The following CDH18 variants were observed in gnomAD, a reference collection of about 807,000 sequenced individuals.
The protein encoded by CDH18 is cadherin 18, also known as cadherin-18.
CDH18 carries 31 observed loss-of-function variants against 67.9 expected under a neutral mutation model. That is an observed-to-expected ratio of 0.46 (90% CI 0.34 to 0.62). The LOEUF (loss-of-function observed/expected upper bound fraction) is 0.62, where lower values mean the gene tolerates loss of function less well. CDH18 is among the 20% of genes least tolerant of loss of function. The pLI is 0.01. For missense variants in CDH18, 890 were observed against 975.5 expected, an observed-to-expected ratio of 0.91 and a Z score of 1.17; for synonymous variants, 362 against 347.2, an observed-to-expected ratio of 1.04 and a Z score of -0.48.
chr5:20,466,439 C>A (rs189364521), intron 1 of CDH18, among the ~76,000 whole-genome samples: 245 of 152,162 alleles, frequency 1.6e-3, no homozygotes, highest in South Asian at 4.3e-3. Flanking sequence ...CAGTTCTCTG[C>A]AGCTAAATAA....
intron 2 of CDH18, among the ~76,000 whole-genome samples, chr5:19,910,493 C>T (rs531069168): frequency 3.5e-4 from 54 of 152,234 alleles, no homozygotes; most frequent in African/African-American, 1.2e-3. Context: ...TATGTAAGTT[C>T]ACTTATAATG....
intron 1 of CDH18, among the ~76,000 whole-genome samples, chr5:20,263,119 T>C (rs368718656): frequency 5.3e-5 from 8 of 151,988 alleles, no homozygotes; most frequent in African/African-American, 1.9e-4. Flanking sequence ...CACAATTATG[T>C]ACCCTCGAGC....
At chr5:20,523,617 T>A (rs1347201744) in intron 1 of CDH18, among the ~76,000 whole-genome samples, 1 of 152,194 alleles carries the variant, frequency 6.6e-6, no homozygotes, top group Non-Finnish European at 1.5e-5. Flanking sequence ...CTCCAGTCAC[T>A]GTAACCTCCG....
At chr5:20,440,993 G>T (rs1166346847) in intron 1 of CDH18, among the ~76,000 whole-genome samples, 1 of 151,910 alleles carries the variant, frequency 6.6e-6, no homozygotes, top group Non-Finnish European at 1.5e-5. Context: ...ATTTCATTTT[G>T]CATGGAATGA....
At chr5:19,554,903 A>G (rs1184559225) in intron 8 of CDH18, among the ~76,000 whole-genome samples, 1 of 152,180 alleles carries the variant, frequency 6.6e-6, no homozygotes, top group Non-Finnish European at 1.5e-5. Context: ...AGGGGGAAAA[A>G]AAGCAACTTT....
intron 5 of CDH18, among the ~76,000 whole-genome samples, chr5:19,709,004 T>TTAAATAAA (rs1458426187): frequency 6.0e-4 from 90 of 149,182 alleles, no homozygotes; most frequent in African/African-American, 2.1e-3. Context: ...CTAGACTCTG[T>TTAAATAAA]TAAATAAATA....
chr5:19,691,364 C>A (rs2150423946), intron 5 of CDH18, among the ~76,000 whole-genome samples: 1 of 151,826 alleles, frequency 6.6e-6, no homozygotes, highest in African/African-American at 2.4e-5. Flanking sequence ...AACTCCTATT[C>A]AACATAGTAC....
At chr5:19,781,570 G>T (rs182655039) in intron 3 of CDH18, among the ~76,000 whole-genome samples, 124 of 152,068 alleles carry the variant, frequency 8.2e-4, no homozygotes, top group East Asian at 4.8e-3. Flanking sequence ...TCTTGTGGGG[G>T]TTTTTTTATT....
At chr5:19,715,216 G>A (rs558156179) in intron 5 of CDH18, among the ~76,000 whole-genome samples, 2 of 152,038 alleles carry the variant, frequency 1.3e-5, no homozygotes, top group African/African-American at 4.8e-5. Context: ...AATAAATTTG[G>A]GGAGGTAATA....
intron 2 of CDH18, among the ~76,000 whole-genome samples, chr5:20,077,135 T>A (rs1744014512): frequency 6.6e-6 from 1 of 152,268 alleles, no homozygotes; most frequent in South Asian, 2.1e-4. Context: ...CAGGACTTTA[T>A]GAAAGAGAAA....
At chr5:20,040,786 T>A (rs1273915404) in intron 2 of CDH18, among the ~76,000 whole-genome samples, 5 of 152,130 alleles carry the variant, frequency 3.3e-5, no homozygotes, top group Admixed American at 2.6e-4. Flanking sequence ...ACAACTGCTA[T>A]TCTGCCCTCC....
chr5:20,042,658 T>G (rs1348555319), intron 2 of CDH18, among the ~76,000 whole-genome samples: 1 of 152,192 alleles, frequency 6.6e-6, no homozygotes, highest in Non-Finnish European at 1.5e-5. Flanking sequence ...TCCACCAATT[T>G]GTCCTCTTTT....
At chr5:20,304,600 G>C (rs1736254847) in intron 1 of CDH18, 2 of 1,612,036 alleles carry the variant, frequency 1.2e-6, no homozygotes, top group Non-Finnish European at 8.5e-7. Context: ...AGAGCTTAAT[G>C]AGCCCAAAAC....
intron 2 of CDH18, among the ~76,000 whole-genome samples, chr5:19,872,668 A>C (rs7703707): frequency 0.81 from 123,381 of 152,182 alleles, 51,498 homozygotes; most frequent in Non-Finnish European, 0.91. Flanking sequence ...AACTTGATTG[A>C]AGCCTTGTGA....
At chr5:20,367,411 C>A (rs1280453720) in intron 1 of CDH18, among the ~76,000 whole-genome samples, 1 of 152,124 alleles carries the variant, frequency 6.6e-6, no homozygotes, top group Non-Finnish European at 1.5e-5. Context: ...AGATCACGTA[C>A]CTGTGCCAAA....
intron 3 of CDH18, 107 bp from the exon 4 acceptor site, chr5:19,747,343 C>G (rs1770163033): frequency 2.3e-6 from 2 of 880,870 alleles, no homozygotes; most frequent in Non-Finnish European, 3.4e-6. Context: ...ACTTTTCTTC[C>G]CTTTACAGTG....
At chr5:19,575,322 A>G (rs1742143249) in intron 7 of CDH18, among the ~76,000 whole-genome samples, 1 of 152,214 alleles carries the variant, frequency 6.6e-6, no homozygotes, top group African/African-American at 2.4e-5. Flanking sequence ...CACCATGGTG[A>G]TGATGGTGGT....
chr5:19,759,381 G>C (rs1386465562), intron 3 of CDH18, among the ~76,000 whole-genome samples: 1 of 152,154 alleles, frequency 6.6e-6, no homozygotes, highest in Non-Finnish European at 1.5e-5. Flanking sequence ...ATAGGTAGAG[G>C]CAGCTCTAAA....
chr5:20,035,604 A>G (rs1739786151), intron 2 of CDH18, among the ~76,000 whole-genome samples: 1 of 151,910 alleles, frequency 6.6e-6, no homozygotes, highest in South Asian at 2.1e-4. Flanking sequence ...GAACTCCCTC[A>G]CTATCATGAG....
Sources: gnomAD v4.1 joint callset for allele counts (sites outside exome capture counted in the v4.1 genomes callset) on GRCh38, gnomAD v4.1.1 for gene constraint, MANE v1.5 for transcripts, NCBI Gene and HGNC (gene_info 2026-07-23, HGNC 2026-07-21) for gene names.